The following RHBDD1 variants were observed in gnomAD, a reference collection of about 807,000 sequenced individuals.
The protein encoded by RHBDD1 is rhomboid domain containing 1, also known as rhomboid-related protein 4.
Under a neutral mutation model 36.3 loss-of-function variants are expected in RHBDD1, and 38 were observed. The ratio of observed to expected loss-of-function variants is 1.05; its 90% confidence interval spans 0.81 to 1.37. The LOEUF is 1.37. Ranked by LOEUF, RHBDD1 falls within the 40% of genes most tolerant of loss-of-function variation. The probability of loss-of-function intolerance (pLI) is 0.00; values close to 1 mark genes in which losing one functional copy is unlikely to be tolerated. For synonymous variants in RHBDD1, 151 were observed against 136.5 expected (o/e 1.11, Z -0.74); for missense variants, 393 against 377.6 (o/e 1.04, Z -0.34).
chr2:226,901,733 T>C lies in RHBDD1; in HGVS notation c.567-5060T>C, dbSNP rs185467575. Among the ~76,000 whole-genome samples, 14 of 152,318 alleles carry C rather than the reference T, an allele frequency of 9.2e-5. No homozygotes were observed. In the East Asian group the frequency reaches 2.7e-3, roughly 29 times the overall value. ...GAACGGAGACTATATTTGCAAACCA[T>C]ATATCTAATAGGGGACTAATATCCA... On this transcript the variant is annotated intron_variant, in intron 5 of 8. Coordinates refer to ENST00000392062, the MANE Select transcript of RHBDD1 (RefSeq NM_001167608.3).
chr2:226,902,399 A>C (rs925466906), intron 5 of RHBDD1, among the ~76,000 whole-genome samples: 1 of 152,112 alleles, frequency 6.6e-6, no homozygotes, highest in Non-Finnish European at 1.5e-5. Context: ...AAGTGCCCTA[A>C]CCCTAGGACT....
intron 7 of RHBDD1, among the ~76,000 whole-genome samples, chr2:226,911,675 T>G (rs1948529562): frequency 1.3e-5 from 2 of 151,940 alleles, no homozygotes; most frequent in African/African-American, 4.8e-5. Flanking sequence ...GGGCTAAATT[T>G]TTCTGATTCT....
intron 7 of RHBDD1, among the ~76,000 whole-genome samples, chr2:226,912,754 G>T (rs1379611799): frequency 6.6e-6 from 1 of 152,046 alleles, no homozygotes; most frequent in African/African-American, 2.4e-5. Context: ...TCTTTTTGGG[G>T]ATGATGAAAA....
At chr2:226,948,945 A>G (rs1350011938) in intron 8 of RHBDD1, among the ~76,000 whole-genome samples, 1 of 152,238 alleles carries the variant, frequency 6.6e-6, no homozygotes, top group Non-Finnish European at 1.5e-5. Context: ...GCCAAGTCTC[A>G]GGATACAAAA....
In RHBDD1 at chr2:226,867,089, C is replaced by G; in HGVS notation, c.434-97C>G. 3.2e-6 allele frequency: 4 copies of G among 1,231,566 alleles called. No homozygotes were observed. The South Asian group carries it at 6.0e-5, about 18-fold the overall frequency. The allele number at this position is 1,231,566 out of a possible 1,614,324, so 76.3% of individuals were successfully genotyped here. A position where few individuals can be genotyped will look rare whatever the true frequency, so the allele number is the denominator to read the frequency against. On this transcript the variant is annotated intron_variant, in intron 4 of 8. Transcript: ENST00000392062. The stretch of plus-strand genomic sequence containing the variant: ...TTTAAAGCACAAAGTTGGATGTAAT[C>G]GAATAATCATTTTCACTTTTAATTA...
chr2:226,938,546 C>A (rs1035454403), intron 8 of RHBDD1, among the ~76,000 whole-genome samples: 1 of 152,070 alleles, frequency 6.6e-6, no homozygotes, highest in South Asian at 2.1e-4. Context: ...AATTCATGTA[C>A]ATACACCCTT....
At chr2:226,958,531 G>A (rs147529870) in intron 8 of RHBDD1, among the ~76,000 whole-genome samples, 8 of 152,238 alleles carry the variant, frequency 5.3e-5, no homozygotes, top group East Asian at 3.9e-4. Context: ...CTAAGTAGGC[G>A]AATTGTGTAG....
chr2:226,986,130 A>G (rs1956891618), intron 8 of RHBDD1, among the ~76,000 whole-genome samples: 2 of 152,226 alleles, frequency 1.3e-5, no homozygotes, highest in Admixed American at 6.5e-5. Context: ...ACCAGACCGA[A>G]TGAAATTCTT....
At chr2:226,822,033 C>T in the RHBDD1 span, among the ~76,000 whole-genome samples, 1 of 152,154 alleles carries the variant, frequency 6.6e-6, no homozygotes, top group Non-Finnish European at 1.5e-5. Flanking sequence ...AGTGGTAGAG[C>T]TGAAAATCAT....
At chr2:226,852,473 T>C (rs1942902480) in intron 3 of RHBDD1, among the ~76,000 whole-genome samples, 1 of 152,106 alleles carries the variant, frequency 6.6e-6, no homozygotes, top group African/African-American at 2.4e-5. Context: ...AGTGTCCTTA[T>C]GAAATGGACC....
chr2:226,818,870 C>CA, the RHBDD1 span, among the ~76,000 whole-genome samples: 2 of 151,796 alleles, frequency 1.3e-5, no homozygotes, highest in African/African-American at 2.4e-5. Flanking sequence ...AACAAAAAAA[C>CA]AAAAAACAGA....
At chr2:226,810,521 A>G in the RHBDD1 span, among the ~76,000 whole-genome samples, 1 of 145,452 alleles carries the variant, frequency 6.9e-6, no homozygotes, top group African/African-American at 2.7e-5. Context: ...AGCCTGAGCA[A>G]AAGAGCAAGA....
chr2:226,886,891 C>G (rs992051232), intron 5 of RHBDD1, among the ~76,000 whole-genome samples: 1 of 150,834 alleles, frequency 6.6e-6, no homozygotes, highest in Non-Finnish European at 1.5e-5. Flanking sequence ...AGAAAAGGAA[C>G]AAATAAATAG....
At chr2:226,867,394 G>C in intron 5 of RHBDD1, 76 bp downstream of exon 5, 1 of 1,427,858 alleles carries the variant, frequency 7.0e-7, no homozygotes, top group Non-Finnish European at 9.5e-7. Context: ...TAATAATGAG[G>C]TAACCAATTG....
chr2:226,908,037 AT>A (rs1948193877), intron 6 of RHBDD1, among the ~76,000 whole-genome samples: 1 of 152,192 alleles, frequency 6.6e-6, no homozygotes, highest in East Asian at 1.9e-4. Context: ...TTTAAAGAGG[AT>A]TTTCCCCTAA....
the RHBDD1 span, among the ~76,000 whole-genome samples, chr2:226,806,450 G>T: frequency 6.6e-6 from 1 of 151,984 alleles, no homozygotes; most frequent in Non-Finnish European, 1.5e-5. Context: ...GCCACTGATC[G>T]GCCTATCTCT....
chr2:226,871,780 C>T (rs932421971), intron 5 of RHBDD1, among the ~76,000 whole-genome samples: 3 of 152,180 alleles, frequency 2.0e-5, no homozygotes, highest in African/African-American at 7.2e-5. Context: ...GGCGATAATA[C>T]TCCATAGGGA....
At position 226,971,501 on chromosome 2, in the gene RHBDD1, A is replaced by G. The variant is rs573394486; in HGVS notation, c.857-23930A>G. 1.2e-4 allele frequency among the ~76,000 whole-genome samples: 18 copies of G among 152,358 alleles called. No individual in the cohort carries two copies. In the South Asian group the frequency reaches 3.7e-3, roughly 32 times the overall value. ...TTTTCTTCTCTGTTACAGCTAAGGC[A>G]TGAGAAAGAATAGACTACCAGCTTA... On this transcript the variant is annotated intron_variant, in intron 8 of 8. Transcript: ENST00000392062.
chr2:226,919,250 A>G (rs1397906851), intron 8 of RHBDD1, among the ~76,000 whole-genome samples: 1 of 152,060 alleles, frequency 6.6e-6, no homozygotes, highest in Non-Finnish European at 1.5e-5. Context: ...TAGTTTGCAC[A>G]TATTTTCTCC....
Sources: gnomAD v4.1 joint callset for allele counts (sites outside exome capture counted in the v4.1 genomes callset) on GRCh38, gnomAD v4.1.1 for gene constraint, MANE v1.5 for transcripts, NCBI Gene and HGNC (gene_info 2026-07-23, HGNC 2026-07-21) for gene names.